PPP3R1: variants seen among roughly 807,000 people sequenced by gnomAD.
PPP3R1 encodes protein phosphatase 3 regulatory subunit B, alpha.
PPP3R1 carries 5 observed loss-of-function variants against 22.6 expected under a neutral mutation model. The ratio of observed to expected loss-of-function variants is 0.22; its 90% CI spans 0.12 to 0.46. The LOEUF is 0.46. PPP3R1 is among the 20% of genes least tolerant of loss of function. PPP3R1 has a pLI of 0.99. For missense variants in PPP3R1, 61 were observed against 203.2 expected (o/e 0.30, Z 4.25); for synonymous variants, 56 against 65.2 (o/e 0.86, Z 0.68).
intron 1 of PPP3R1, among the ~76,000 whole-genome samples, chr2:68,224,665 G>GA (rs576436316): frequency 0.046 from 6,101 of 133,110 alleles, 313 homozygotes; most frequent in African/African-American, 0.13. Flanking sequence ...CTCGTCTCAG[G>GA]AAAAAAAAAA....
intron 2 of PPP3R1, among the ~76,000 whole-genome samples, chr2:68,198,721 T>C (rs1358873750): frequency 6.6e-6 from 1 of 152,126 alleles, no homozygotes; most frequent in Non-Finnish European, 1.5e-5. Flanking sequence ...TAAAATCTTG[T>C]TAAGAATTTG....
chr2:68,219,701 T>C (rs566571857), intron 1 of PPP3R1, among the ~76,000 whole-genome samples: 105 of 152,300 alleles, frequency 6.9e-4, no homozygotes, highest in African/African-American at 2.4e-3. Flanking sequence ...AAAATAATGA[T>C]AGATACTGTG....
intron 2 of PPP3R1, among the ~76,000 whole-genome samples, chr2:68,204,316 CAT>C (rs1026766121): frequency 6.6e-6 from 1 of 150,936 alleles, no homozygotes; most frequent in African/African-American, 2.4e-5. Flanking sequence ...ATGACATATA[CAT>C]ATATATACAC....
intron 4 of PPP3R1, 141 bp from the exon 5 acceptor site, chr2:68,186,793 TA>T: frequency 1.2e-6 from 1 of 855,020 alleles, no homozygotes; most frequent in Non-Finnish European, 1.8e-6. Context: ...GAGTTGTCCT[TA>T]GGCACAGTTT....
chr2:68,184,824 G>A (rs995996788), intron 5 of PPP3R1, among the ~76,000 whole-genome samples: 8 of 151,856 alleles, frequency 5.3e-5, no homozygotes, highest in African/African-American at 1.4e-4. Flanking sequence ...ACAGTGGCTC[G>A]TGCCTGTAAT....
In PPP3R1 at chr2:68,180,531, T is replaced by C. The variant is rs781545680; in HGVS notation, c.*432A>G. 3 of 152,868 alleles carry C rather than the reference T, an allele frequency of 2.0e-5. No homozygotes were observed. The highest frequency in any genetic ancestry group is 6.5e-5 in the Admixed American group (1 of 15,292). 9.5% of individuals were successfully genotyped at this position (152,868 alleles called of 1,614,324 possible). On this transcript the variant is annotated 3_prime_UTR_variant, in exon 6 of 6. Coordinates refer to ENST00000234310, the MANE Select transcript of PPP3R1 (RefSeq NM_000945.4). ...AAATAAAAGTAAGGATGTTTTATGT[T>C]CTGCTTGGCACTTTTGTACTCTATT...
rs980324397 is a variant in PPP3R1 at position 68,192,505 on chromosome 2, T to G, written c.44-3815A>C. Among the ~76,000 whole-genome samples the G allele has an allele frequency of 3.9e-5, 6 of 152,308 alleles. No homozygotes were observed. In the South Asian group the frequency reaches 1.2e-3, roughly 32 times the overall value. On this transcript the variant is annotated intron_variant, in intron 2 of 5. Transcript: ENST00000234310. ...TTTATTGAAGTGGGGACATTAATTATAGTTTAGAAAGTTGTTTATCAAGAA... is the reference window on the plus strand; with the variant it reads ...TTTATTGAAGTGGGGACATTAATTAGAGTTTAGAAAGTTGTTTATCAAGAA...
At chr2:68,210,904 C>A (rs1190257014) in intron 2 of PPP3R1, among the ~76,000 whole-genome samples, 1 of 152,088 alleles carries the variant, frequency 6.6e-6, no homozygotes, top group Non-Finnish European at 1.5e-5. Flanking sequence ...ATTTGGGATG[C>A]TCAGTCAGTA....
chr2:68,240,443 A>G (rs1276852251), intron 1 of PPP3R1, among the ~76,000 whole-genome samples: 1 of 152,214 alleles, frequency 6.6e-6, no homozygotes, highest in African/African-American at 2.4e-5. Context: ...GATGAAAAAC[A>G]AAACAGACAA....
Position 68,252,522 on chromosome 2 carries a change from C to T in PPP3R1, c.-395G>A. 1 of 948,706 alleles carries T rather than the reference C, an allele frequency of 1.1e-6. No homozygotes were observed. The highest frequency in any genetic ancestry group is 1.2e-6 in the Non-Finnish European group (1 of 818,810). The allele number at this position is 948,706 out of a possible 1,614,324, so 58.8% of individuals were successfully genotyped here. On this transcript the variant is annotated 5_prime_UTR_variant, in exon 1 of 6. Coordinates refer to ENST00000234310, the MANE Select transcript of PPP3R1 (RefSeq NM_000945.4). ...TGCAGCGGCTCGCGCTGACCCGCAA[C>T]CTCAAGGCACGAAAAAAGGGGAGGG...
intron 2 of PPP3R1, among the ~76,000 whole-genome samples, chr2:68,189,454 C>T (rs1473818510): frequency 6.6e-6 from 1 of 152,148 alleles, no homozygotes; most frequent in Non-Finnish European, 1.5e-5. Flanking sequence ...CTTGAAACAA[C>T]AGGTTTAAGC....
intron 5 of PPP3R1, among the ~76,000 whole-genome samples, chr2:68,185,339 T>C (rs1674513492): frequency 1.3e-5 from 2 of 149,444 alleles, no homozygotes; most frequent in South Asian, 4.2e-4. Flanking sequence ...AAGATATATT[T>C]TAATTTCCTT....
At chr2:68,194,560 T>C (rs1372168756) in intron 2 of PPP3R1, among the ~76,000 whole-genome samples, 2 of 152,078 alleles carry the variant, frequency 1.3e-5, no homozygotes, top group Non-Finnish European at 2.9e-5. Flanking sequence ...TATATATTTC[T>C]CTCATTTAGA....
At chr2:68,219,181 C>T (rs1364469432) in intron 1 of PPP3R1, among the ~76,000 whole-genome samples, 3 of 152,238 alleles carry the variant, frequency 2.0e-5, no homozygotes, top group African/African-American at 7.2e-5. Context: ...TAGTCACTCT[C>T]CCAAACAGCA....
chr2:68,250,351 A>G (rs2103821367), intron 1 of PPP3R1, among the ~76,000 whole-genome samples: 1 of 152,326 alleles, frequency 6.6e-6, no homozygotes, highest in African/African-American at 2.4e-5. Flanking sequence ...TCTGTTGTTC[A>G]AAAAACAGAG....
rs1553408545 is a variant in PPP3R1 at position 68,229,965 on chromosome 2, T to TATACAC, written c.4-12835_4-12834insGTGTAT. ...GTGTATATATGTGTGTGTGTATATA[T>TATACAC]ACACACATACACACACACACACACA... On this transcript the variant is annotated intron_variant, in intron 1 of 5. Coordinates refer to ENST00000234310, the MANE Select transcript of PPP3R1 (RefSeq NM_000945.4). Among the ~76,000 whole-genome samples, 6 of 49,494 alleles carry TATACAC rather than the reference T, an allele frequency of 1.2e-4. No homozygotes were observed. In the South Asian group the frequency reaches 3.7e-3, roughly 31 times the overall value. 32.5% of individuals were successfully genotyped at this position (49,494 alleles called of 152,430 possible). A position where few individuals can be genotyped will look rare whatever the true frequency, so the allele number is the denominator to read the frequency against.
At chr2:68,199,242 G>GT (rs1674905468) in intron 2 of PPP3R1, among the ~76,000 whole-genome samples, 1 of 152,124 alleles carries the variant, frequency 6.6e-6, no homozygotes, top group Non-Finnish European at 1.5e-5. Context: ...GATTACAGGC[G>GT]TGAGCCACCG....
intron 5 of PPP3R1, among the ~76,000 whole-genome samples, chr2:68,183,304 T>C (rs1393446971): frequency 1.3e-5 from 2 of 152,264 alleles, no homozygotes; most frequent in East Asian, 3.8e-4. Flanking sequence ...GGTGCCATTA[T>C]GACTCCTGGT....
At chr2:68,214,949 C>T (rs767407109) in intron 2 of PPP3R1, among the ~76,000 whole-genome samples, 6 of 152,112 alleles carry the variant, frequency 3.9e-5, no homozygotes, top group African/African-American at 1.2e-4. Context: ...TGGTATACTA[C>T]GCAGCCATAA....
Sources: allele counts gnomAD v4.1 joint callset (sites outside exome capture counted in the v4.1 genomes callset), GRCh38; gene constraint gnomAD v4.1.1; transcripts MANE v1.5; gene names NCBI Gene and HGNC (gene_info 2026-07-23, HGNC 2026-07-21).